The following GSE1 variants were observed in gnomAD, a reference collection of about 807,000 sequenced individuals.
GSE1 encodes the protein genetic suppressor element 1.
GSE1 carries 32 observed loss-of-function variants against 112.6 expected under a neutral mutation model. The ratio of observed to expected loss-of-function variants is 0.28; its 90% CI spans 0.21 to 0.38. The LOEUF (loss-of-function observed/expected upper bound fraction) is 0.38, where lower values mean the gene tolerates loss of function less well. Ranked by LOEUF, GSE1 falls within the 10% of genes least tolerant of loss-of-function variation. The probability of loss-of-function intolerance (pLI) is 1.00; values close to 1 mark genes in which losing one functional copy is unlikely to be tolerated. For synonymous variants in GSE1, 1,115 were observed against 735.6 expected, an observed-to-expected ratio of 1.52 and a Z score of -8.35; for missense variants, 2,348 against 1,699.2, an observed-to-expected ratio of 1.38 and a Z score of -6.71.
chr16:85,339,937 G>A (rs1465639921), intron 1 of GSE1, among the ~76,000 whole-genome samples: 1 of 152,164 alleles, frequency 6.6e-6, no homozygotes, highest in Non-Finnish European at 1.5e-5. Flanking sequence ...ACGGTGCTTG[G>A]CCCAGGGCGG....
At chr16:85,487,381 T>C (rs1016075707) in intron 2 of GSE1, among the ~76,000 whole-genome samples, 1 of 152,044 alleles carries the variant, frequency 6.6e-6, no homozygotes, top group East Asian at 1.9e-4. Context: ...GTCTGTAGAG[T>C]GTTCCTGGCT....
At chr16:85,590,525 T>G (rs907670715) in intron 1 of GSE1, among the ~76,000 whole-genome samples, 2 of 146,160 alleles carry the variant, frequency 1.4e-5, no homozygotes, top group African/African-American at 5.1e-5. Context: ...GTGTGTGTGA[T>G]TGTGTGAGCA....
Position 85,590,651 on chromosome 16 carries a change from GTGAT to G in GSE1, c.37+34292_37+34295del, listed in dbSNP as rs1252553965. Among the ~76,000 whole-genome samples, 24 of 152,294 alleles carry G rather than the reference GTGAT, an allele frequency of 1.6e-4. No individual in the cohort carries two copies. The East Asian group carries it at 2.7e-3, about 17-fold the overall frequency. ...TGCGTGGGCCTGTGTGTGAGCGTGT[GTGAT>G]TGAGCATGTGTGATATGTGAATGTG... On this transcript the variant is annotated intron_variant, in intron 1 of 2. Transcript: ENST00000635906.
At chr16:85,170,433 C>T (rs558340002) in exon 1 of GSE1, 2 of 985,568 alleles carry the variant, frequency 2.0e-6, no homozygotes, top group Non-Finnish European at 2.4e-6. Context: ...CCACTAAGAC[C>T]CTGGAGAGCA....
chr16:85,522,723 CAG>C (rs1383344445), intron 2 of GSE1, among the ~76,000 whole-genome samples: 1 of 152,022 alleles, frequency 6.6e-6, no homozygotes, highest in Non-Finnish European at 1.5e-5. Context: ...GATGGTTGCG[CAG>C]AGTGTTGGAG....
At chr16:85,647,807 G>A (rs6539973) in intron 2 of GSE1, among the ~76,000 whole-genome samples, 1 of 151,540 alleles carries the variant, frequency 6.6e-6, no homozygotes, top group African/African-American at 2.4e-5. Context: ...GGATGGTCTC[G>A]AACTCCTGAC....
chr16:85,617,167 C>T (rs1402077765), intron 1 of GSE1, among the ~76,000 whole-genome samples: 1 of 152,230 alleles, frequency 6.6e-6, no homozygotes, highest in Non-Finnish European at 1.5e-5. Context: ...CCACCTGCCC[C>T]TCCTAACCTG....
intron 1 of GSE1, among the ~76,000 whole-genome samples, chr16:85,302,963 G>A (rs1188626322): frequency 2.0e-5 from 3 of 152,208 alleles, no homozygotes; most frequent in African/African-American, 7.2e-5. Flanking sequence ...CGGAGCCTCG[G>A]CCTCCCCACT....
intron 2 of GSE1, among the ~76,000 whole-genome samples, chr16:85,636,710 C>T (rs1598485614): frequency 6.6e-6 from 1 of 152,342 alleles, no homozygotes; most frequent in Non-Finnish European, 1.5e-5. Context: ...GGGAGAGCCG[C>T]CGTTAGGACA....
intron 1 of GSE1, among the ~76,000 whole-genome samples, chr16:85,237,247 C>G (rs376619500): frequency 6.6e-6 from 1 of 152,134 alleles, no homozygotes; most frequent in East Asian, 1.9e-4. Context: ...GACTTGTACC[C>G]GGGAGCTGGA....
chr16:85,452,247 G>T (rs1453467769), intron 2 of GSE1, among the ~76,000 whole-genome samples: 3 of 152,232 alleles, frequency 2.0e-5, no homozygotes, highest in African/African-American at 4.8e-5. Context: ...TCCCTAATGT[G>T]ATGATGTTTG....
At chr16:85,536,756 G>A (rs1186843000) in intron 2 of GSE1, among the ~76,000 whole-genome samples, 1 of 152,194 alleles carries the variant, frequency 6.6e-6, no homozygotes, top group Non-Finnish European at 1.5e-5. Context: ...AGGGGTGAGA[G>A]GGAGGGAAGA....
intron 1 of GSE1, among the ~76,000 whole-genome samples, chr16:85,271,874 C>G (rs1908870162): frequency 6.6e-6 from 1 of 152,212 alleles, no homozygotes; most frequent in Non-Finnish European, 1.5e-5. Flanking sequence ...GCACCCTGTT[C>G]TAAGGGTAGC....
At chr16:85,224,301 C>CAAAAAAAAAAA (rs55755242) in intron 1 of GSE1, among the ~76,000 whole-genome samples, 21 of 38,804 alleles carry the variant, frequency 5.4e-4, no homozygotes, top group African/African-American at 9.8e-4. Context: ...ACTAAAAATA[C>CAAAAAAAAAAA]AAAAAAAAAA....
chr16:85,202,182 C>T (rs1243174016), intron 1 of GSE1, among the ~76,000 whole-genome samples: 1 of 152,186 alleles, frequency 6.6e-6, no homozygotes, highest in East Asian at 1.9e-4. Flanking sequence ...ACAGGGTTGC[C>T]TGGGCAGTGA....
At chr16:85,191,599 TATCAAGTTGAG>T (rs1209471506) in intron 1 of GSE1, among the ~76,000 whole-genome samples, 1 of 152,204 alleles carries the variant, frequency 6.6e-6, no homozygotes, top group Admixed American at 6.6e-5. Context: ...ACGTACTTTC[TATCAAGTTGAG>T]ATGGAACTCT....
At chr16:85,545,579 C>T (rs1440782390) in intron 2 of GSE1, among the ~76,000 whole-genome samples, 1 of 152,146 alleles carries the variant, frequency 6.6e-6, no homozygotes, top group Non-Finnish European at 1.5e-5. Flanking sequence ...TGACCTTGGG[C>T]AAGTCACTTC....
chr16:85,532,108 T>C (rs992189204), intron 2 of GSE1, among the ~76,000 whole-genome samples: 1 of 152,196 alleles, frequency 6.6e-6, no homozygotes. Flanking sequence ...TCCATTTTAA[T>C]ATGGTTTGTG....
At chr16:85,308,003 G>C (rs370681645) in intron 1 of GSE1, among the ~76,000 whole-genome samples, 90 of 152,294 alleles carry the variant, frequency 5.9e-4, no homozygotes, top group African/African-American at 2.1e-3. Context: ...GGGCGGGCTT[G>C]GTTATTTCCC....
Sources: gnomAD v4.1 joint callset for allele counts (sites outside exome capture counted in the v4.1 genomes callset) on GRCh38, gnomAD v4.1.1 for gene constraint, MANE v1.5 for transcripts, NCBI Gene and HGNC (gene_info 2026-07-23, HGNC 2026-07-21) for gene names.